Variants in TMEM154 observed in about 807,000 individuals in gnomAD.
TMEM154 encodes the protein transmembrane protein 154.
Under a neutral mutation model 24.5 loss-of-function variants are expected in TMEM154, and 27 were observed. The ratio of observed to expected loss-of-function variants is 1.10; its 90% CI spans 0.81 to 1.52. The LOEUF is 1.52. TMEM154 is among the 40% of genes most tolerant of loss of function. The pLI is 0.00. For missense variants in TMEM154, 228 were observed against 213.4 expected, an observed-to-expected ratio of 1.07 and a Z score of -0.43; for synonymous variants, 67 against 76.8, an observed-to-expected ratio of 0.87 and a Z score of 0.67.
At chr4:152,648,678 A>G (rs972771298) in intron 3 of TMEM154, among the ~76,000 whole-genome samples, 3 of 152,188 alleles carry the variant, frequency 2.0e-5, no homozygotes, top group Admixed American at 6.5e-5. Flanking sequence ...TGCATGGACC[A>G]TGTCTGAGGT....
At chr4:152,647,225 AG>A in intron 3 of TMEM154, 1 of 984,930 alleles carries the variant, frequency 1.0e-6, no homozygotes, top group Non-Finnish European at 1.2e-6. Flanking sequence ...CTAACTTCCC[AG>A]GGGACATAGT....
At chr4:152,640,890 GCCAT>G in intron 6 of TMEM154, 34 bp downstream of exon 6, 8 of 699,672 alleles carry the variant, frequency 1.1e-5, no homozygotes, top group Non-Finnish European at 1.9e-5. Context: ...CCCGCCCCCC[GCCAT>G]ATACATGTAA....
intron 1 of TMEM154, among the ~76,000 whole-genome samples, chr4:152,662,568 G>A (rs1023402786): frequency 4.6e-5 from 7 of 151,544 alleles, no homozygotes; most frequent in Non-Finnish European, 8.8e-5. Context: ...GGTGCCAAAG[G>A]CCACAAAAGT....
chr4:152,640,853 A>G, intron 6 of TMEM154, 75 bp downstream of exon 6: 1 of 1,333,444 alleles, frequency 7.5e-7, no homozygotes, highest in Non-Finnish European at 1.1e-6. Flanking sequence ...GGTAAGCAAA[A>G]AGTGTTCCAC....
intron 6 of TMEM154, among the ~76,000 whole-genome samples, chr4:152,637,344 A>T (rs961666452): frequency 6.6e-6 from 1 of 152,128 alleles, no homozygotes; most frequent in Admixed American, 6.5e-5. Context: ...TCAGGAGTTC[A>T]AGGCCAGCCT....
intron 1 of TMEM154, among the ~76,000 whole-genome samples, chr4:152,672,454 T>C (rs1728860566): frequency 6.6e-6 from 1 of 152,118 alleles, no homozygotes; most frequent in Admixed American, 6.6e-5. Flanking sequence ...CACTGATTAA[T>C]TAGGACAAGT....
chr4:152,623,440 C>T lies in TMEM154; in HGVS notation c.*5106G>A, dbSNP rs959780867. The stretch of plus-strand genomic sequence containing the variant: ...TAAACATGTGGAGTTTTCACATGTT[C>T]CTGGCATTATTTATAATTTGAGGTG... On this transcript the variant is annotated 3_prime_UTR_variant, in exon 7 of 7. Coordinates refer to ENST00000304385, the MANE Select transcript of TMEM154 (RefSeq NM_152680.3). 1 of 152,038 alleles carries T rather than the reference C, an allele frequency of 6.6e-6. No homozygotes were observed. Among genetic ancestry groups the T allele is most frequent in the Non-Finnish European group, 1.5e-5 (1 of 68,010 alleles). 9.4% of individuals were successfully genotyped at this position (152,038 alleles called of 1,614,324 possible).
chr4:152,644,588 A>G, intron 3 of TMEM154, 146 bp from the exon 4 acceptor site: 1 of 790,938 alleles, frequency 1.3e-6, no homozygotes, highest in South Asian at 1.6e-5. Context: ...ACTTAGAGTC[A>G]AAGAAGTGTG....
chr4:152,638,440 A>G (rs998939650), intron 6 of TMEM154, among the ~76,000 whole-genome samples: 2 of 152,246 alleles, frequency 1.3e-5, no homozygotes, highest in African/African-American at 4.8e-5. Flanking sequence ...ACCAGGGAAC[A>G]CAGGGACAAA....
chr4:152,652,509 C>T, intron 3 of TMEM154, 29 bp downstream of exon 3: 1 of 1,612,734 alleles, frequency 6.2e-7, no homozygotes, highest in Non-Finnish European at 8.5e-7. Flanking sequence ...CCACCCCCAC[C>T]TGTAGGCAGG....
chr4:152,662,861 T>C lies in TMEM154; in HGVS notation c.65-9934A>G, dbSNP rs114564129. ...AGGAAATAAGTCTGGAGGTGAACCC[T>C]CCAGAACACACAGGGGTACTTCCCT... On this transcript the variant is annotated intron_variant, in intron 1 of 6. Transcript: ENST00000304385. 2.6e-3 allele frequency among the ~76,000 whole-genome samples: 397 copies of C among 152,182 alleles called. 1 individual carries two copies. The highest frequency in any genetic ancestry group is 9.0e-3 in the African/African-American group (373 of 41,524).
Position 152,679,964 on chromosome 4 carries a change from G to A in TMEM154, c.-31C>T. On this transcript the variant is annotated 5_prime_UTR_variant, in exon 1 of 7. Coordinates refer to ENST00000304385, the MANE Select transcript of TMEM154 (RefSeq NM_152680.3). The stretch of plus-strand genomic sequence containing the variant: ...CTCGCCTCGGCAGAGGCGCGCTCAG[G>A]ATGCTGCGCCGGGCTGCAGCCTCTC... The A allele has an allele frequency of 1.3e-6, 2 of 1,588,008 alleles. No individual in the cohort carries two copies. Among genetic ancestry groups the A allele is most frequent in the Non-Finnish European group, 1.7e-6 (2 of 1,165,058 alleles).
At chr4:152,650,355 G>A (rs567080518) in intron 3 of TMEM154, among the ~76,000 whole-genome samples, 3 of 151,372 alleles carry the variant, frequency 2.0e-5, no homozygotes, top group African/African-American at 7.3e-5. Flanking sequence ...TCTTCACTAG[G>A]AGTAGATTCC....
At chr4:152,628,589 AAAAC>A (rs759857017) in intron 6 of TMEM154, 28 bp from the exon 7 acceptor site, 11,997 of 910,206 alleles carry the variant, frequency 0.013, 4,006 homozygotes, top group African/African-American at 0.02. Flanking sequence ...AAAAAAAAAA[AAAAC>A]AAAAAAAACA....
intron 6 of TMEM154, among the ~76,000 whole-genome samples, chr4:152,639,008 T>C (rs56370245): frequency 0.015 from 2,247 of 152,260 alleles, 56 homozygotes; most frequent in African/African-American, 0.051. Context: ...TGGAGTGCAA[T>C]GGTGTGATCA....
intron 1 of TMEM154, among the ~76,000 whole-genome samples, chr4:152,654,362 G>A (rs1395271272): frequency 2.0e-5 from 3 of 152,220 alleles, no homozygotes; most frequent in African/African-American, 7.2e-5. Context: ...GTATAGGTTA[G>A]GCAATTACTT....
At chr4:152,643,391 G>C (rs561112717) in intron 4 of TMEM154, among the ~76,000 whole-genome samples, 1 of 152,226 alleles carries the variant, frequency 6.6e-6, no homozygotes, top group Non-Finnish European at 1.5e-5. Flanking sequence ...AGGTCCAAAA[G>C]TGGGGTGCCC....
At chr4:152,661,295 TCTC>T in intron 1 of TMEM154, among the ~76,000 whole-genome samples, 1 of 73,724 alleles carries the variant, frequency 1.4e-5, no homozygotes, top group East Asian at 2.8e-4. Flanking sequence ...TCTCTCTCTC[TCTC>T]TCTCTCTCTC....
At chr4:152,679,809 C>T in intron 1 of TMEM154, 61 bp downstream of exon 1, 3 of 1,568,200 alleles carry the variant, frequency 1.9e-6, no homozygotes, top group Non-Finnish European at 2.6e-6. Context: ...TCTGTAGCCT[C>T]GGGCACCCTA....
Sources: allele counts gnomAD v4.1 joint callset (sites outside exome capture counted in the v4.1 genomes callset), GRCh38; gene constraint gnomAD v4.1.1; transcripts MANE v1.5; gene names NCBI Gene and HGNC (gene_info 2026-07-23, HGNC 2026-07-21).